Variants in SNX29 observed in about 807,000 individuals in gnomAD.
SNX29 encodes the protein sorting nexin 29, also known as sorting nexin-29.
In SNX29, 78 loss-of-function variants were observed where a neutral mutation model predicts 102.1. The observed-to-expected ratio is 0.76, with a 90% CI of 0.64 to 0.92. The LOEUF (loss-of-function observed/expected upper bound fraction) is 0.92. Ranked by LOEUF, SNX29 falls within the 40% of genes least tolerant of loss-of-function variation. The pLI, the probability that SNX29 is intolerant of heterozygous loss-of-function variation, is 0.00. For synonymous variants in SNX29, 580 were observed against 414.5 expected, an observed-to-expected ratio of 1.40 and a Z score of -4.85; for missense variants, 1,280 against 1,061.7, an observed-to-expected ratio of 1.21 and a Z score of -2.86.
rs2077237482 is a variant in SNX29 at position 12,213,333 on chromosome 16, G to T, written c.1678+13650G>T. Among the ~76,000 whole-genome samples the T allele has an allele frequency of 2.0e-5, 3 of 152,264 alleles. No homozygotes were observed. The South Asian group carries it at 6.2e-4, about 32-fold the overall frequency. The stretch of plus-strand genomic sequence containing the variant: ...AAGGGACATTAGAAACTCTGAGCAG[G>T]AGGGGAGGCGAGGGATGAAAAACTA... On this transcript the variant is annotated intron_variant, in intron 14 of 20. Coordinates refer to ENST00000566228, the MANE Select transcript of SNX29 (RefSeq NM_032167.5).
intron 9 of SNX29, among the ~76,000 whole-genome samples, chr16:12,066,435 G>C (rs1317203145): frequency 6.6e-6 from 1 of 152,184 alleles, no homozygotes; most frequent in African/African-American, 2.4e-5. Flanking sequence ...ATAAGATGGG[G>C]TTGTGAGGGT....
rs531541848 is a variant in SNX29, at chr16:12,563,115, C to T, written c.2319-5391C>T. 1.2e-3 allele frequency among the ~76,000 whole-genome samples: 182 copies of T among 152,030 alleles called. 2 individuals are homozygous for T. Among genetic ancestry groups the T allele is most frequent in the African/African-American group, 4.0e-3 (164 of 41,510 alleles). ...TAGAAGACGCACGCTAACAACAGAGCCTAGGAAAGGTCGCCACACGTCCTC... is the reference window on the plus strand; with the variant it reads ...TAGAAGACGCACGCTAACAACAGAGTCTAGGAAAGGTCGCCACACGTCCTC... On this transcript the variant is annotated intron_variant, in intron 20 of 20. Coordinates refer to ENST00000566228, the MANE Select transcript of SNX29 (RefSeq NM_032167.5).
rs895916990 is a variant in SNX29 at position 12,096,157 on chromosome 16, C to T, written c.1402+17242C>T. 3.9e-5 allele frequency among the ~76,000 whole-genome samples: 6 copies of T among 152,188 alleles called. No homozygotes were observed. The highest frequency in any genetic ancestry group is 7.4e-5 in the Non-Finnish European group (5 of 68,024). Reference sequence around the variant, plus strand: ...ACTGCCGAGAAGTGAACCTAGGTGACGTGGCCAACACAGATCCCTCACGCT... The same window carrying T: ...ACTGCCGAGAAGTGAACCTAGGTGATGTGGCCAACACAGATCCCTCACGCT... On this transcript the variant is annotated intron_variant, in intron 11 of 20. Transcript: ENST00000566228. The surrounding 1 kb of genome is among the most constrained non-coding windows in gnomAD (Gnocchi z 4.2).
chr16:12,266,854 C>G (rs2078943988), intron 14 of SNX29, among the ~76,000 whole-genome samples: 1 of 152,144 alleles, frequency 6.6e-6, no homozygotes, highest in Admixed American at 6.5e-5. Flanking sequence ...ACCTCTGCCC[C>G]CTGGGTTCAA....
chr16:12,320,004 G>A (rs183850923), intron 15 of SNX29, among the ~76,000 whole-genome samples: 182 of 152,258 alleles, frequency 1.2e-3, no homozygotes, highest in Non-Finnish European at 1.9e-3. Flanking sequence ...CTCCTGGCTG[G>A]ACGTGGCTGC....
chr16:12,011,189 GTTTTTTT>G (rs369528003), intron 3 of SNX29, among the ~76,000 whole-genome samples: 7 of 124,052 alleles, frequency 5.6e-5, no homozygotes, highest in African/African-American at 2.1e-4. Context: ...ATTGCTTGGG[GTTTTTTT>G]TTTTTTTTTT....
intron 19 of SNX29, among the ~76,000 whole-genome samples, chr16:12,499,371 G>A (rs1294284259): frequency 1.3e-5 from 2 of 152,144 alleles, no homozygotes; most frequent in Non-Finnish European, 1.5e-5. Flanking sequence ...GGTGACTGAC[G>A]GGGGTGCCAG....
chr16:12,434,363 C>T (rs1054031912), intron 18 of SNX29, among the ~76,000 whole-genome samples: 7 of 152,036 alleles, frequency 4.6e-5, no homozygotes, highest in African/African-American at 1.7e-4. Flanking sequence ...AGATCAGAAA[C>T]CTGGGCCCTG....
intron 19 of SNX29, among the ~76,000 whole-genome samples, chr16:12,498,020 A>G (rs1361376223): frequency 6.6e-6 from 1 of 152,236 alleles, no homozygotes; most frequent in Non-Finnish European, 1.5e-5. Context: ...GCAAGCAGGC[A>G]AAATATCAAG....
At chr16:12,055,389 C>G (rs2050478852) in intron 8 of SNX29, among the ~76,000 whole-genome samples, 3 of 152,090 alleles carry the variant, frequency 2.0e-5, no homozygotes, top group South Asian at 2.1e-4. Flanking sequence ...ACCTACCACA[C>G]CCCGCTAACT....
At chr16:12,541,212 G>C (rs1428716352) in intron 20 of SNX29, among the ~76,000 whole-genome samples, 3 of 152,138 alleles carry the variant, frequency 2.0e-5, no homozygotes, top group Admixed American at 6.5e-5. Context: ...TGGAATATTG[G>C]TGCATGGAGA....
intron 1 of SNX29, among the ~76,000 whole-genome samples, chr16:11,996,770 T>C (rs1054241570): frequency 6.6e-6 from 1 of 152,126 alleles, no homozygotes; most frequent in Non-Finnish European, 1.5e-5. Context: ...AAAGAGCGTT[T>C]GATTGATAGA....
chr16:12,541,511 G>A (rs956103579), intron 20 of SNX29, among the ~76,000 whole-genome samples: 3 of 152,104 alleles, frequency 2.0e-5, no homozygotes, highest in Non-Finnish European at 2.9e-5. Context: ...TGAGTCCCAA[G>A]TCATAACCAT....
chr16:12,527,503 C>T (rs575898220), intron 20 of SNX29: 20 of 418,528 alleles, frequency 4.8e-5, no homozygotes, highest in African/African-American at 1.6e-4. Context: ...TGAACGTAAC[C>T]GGATTGTTCA....
chr16:12,382,691 C>T (rs926806666), intron 16 of SNX29, among the ~76,000 whole-genome samples: 8 of 152,220 alleles, frequency 5.3e-5, no homozygotes, highest in Non-Finnish European at 8.8e-5. Flanking sequence ...TCGGCAATCA[C>T]GGTGCCAGCA....
At chr16:12,355,467 G>C (rs2082103258) in intron 15 of SNX29, among the ~76,000 whole-genome samples, 1 of 152,156 alleles carries the variant, frequency 6.6e-6, no homozygotes, top group Non-Finnish European at 1.5e-5. Context: ...GAAGGTTAGG[G>C]AGCTAGGGGT....
At chr16:12,141,398 G>A (rs919087014) in intron 13 of SNX29, among the ~76,000 whole-genome samples, 9 of 152,212 alleles carry the variant, frequency 5.9e-5, no homozygotes, top group African/African-American at 2.2e-4. Flanking sequence ...CCAAGAGAGG[G>A]TTGTTGGATC....
chr16:12,250,730 G>A (rs2078396732), intron 14 of SNX29, among the ~76,000 whole-genome samples: 1 of 152,232 alleles, frequency 6.6e-6, no homozygotes, highest in African/African-American at 2.4e-5. Context: ...CATGTGTGAG[G>A]TCCAGAGAGC....
chr16:12,330,429 G>A (rs158474), intron 15 of SNX29, among the ~76,000 whole-genome samples: 125,894 of 152,158 alleles, frequency 0.83, 54,740 homozygotes, highest in South Asian at 0.98. Flanking sequence ...ATCACACCAC[G>A]GCACTCCAGC....
Sources: gnomAD v4.1 joint callset for allele counts (sites outside exome capture counted in the v4.1 genomes callset) on GRCh38, gnomAD v4.1.1 for gene constraint, Gnocchi (gnomAD v3.1) non-coding constraint, MANE v1.5 for transcripts, NCBI Gene and HGNC (gene_info 2026-07-23, HGNC 2026-07-21) for gene names.